Variants in DNAH17 observed in about 807,000 individuals in gnomAD.
DNAH17 encodes dynein axonemal heavy chain 17, also known as axonemal beta dynein heavy chain 17.
A neutral mutation model predicts 485.6 loss-of-function variants in DNAH17; 376 were observed. The ratio of observed to expected loss-of-function variants is 0.77; its 90% CI spans 0.71 to 0.84. The LOEUF is 0.84. Ranked by LOEUF, DNAH17 falls within the 40% of genes least tolerant of loss-of-function variation. The pLI, the probability that DNAH17 is intolerant of heterozygous loss-of-function variation, is 0.00. For missense variants in DNAH17, 6,370 were observed against 5,839.3 expected (o/e 1.09, Z -2.96); for synonymous variants, 3,031 against 2,405.9 (o/e 1.26, Z -7.60).
intron 19 of DNAH17, among the ~76,000 whole-genome samples, chr17:78,533,687 C>A (rs1358949096): frequency 6.6e-6 from 1 of 152,190 alleles, no homozygotes; most frequent in Non-Finnish European, 1.5e-5. Context: ...GAAATTTTGA[C>A]ATCTTATTTC....
chr17:78,480,664 T>C lies in DNAH17; in HGVS notation c.7752+20A>G, dbSNP rs1288823437. 1.9e-6 allele frequency: 3 copies of C among 1,596,722 alleles called. No individual in the cohort carries two copies. Among genetic ancestry groups the C allele is most frequent in the Non-Finnish European group, 2.6e-6 (3 of 1,166,628 alleles). The stretch of plus-strand genomic sequence containing the variant: ...TCAGACTCATGGCAGGTGACGGGGA[T>C]GAGTATGGTTTCTGCTTACCTGAAG... On this transcript the variant is annotated intron_variant, in intron 49 of 80. Transcript: ENST00000389840.
chr17:78,434,362 C>T (rs769734079), intron 74 of DNAH17, 142 bp from the exon 75 acceptor site: 159 of 713,386 alleles, frequency 2.2e-4, no homozygotes, highest in African/African-American at 5.2e-4. Flanking sequence ...GTGGGCTGTG[C>T]AGGTCTCTAT....
At chr17:78,575,274 C>T (rs1479051643) in intron 1 of DNAH17, among the ~76,000 whole-genome samples, 192 bp from the exon 2 acceptor site, 1 of 152,212 alleles carries the variant, frequency 6.6e-6, no homozygotes, top group Non-Finnish European at 1.5e-5. Flanking sequence ...TGCCCCGGCC[C>T]CGCCATGGGG....
At chr17:78,518,435 C>A (rs1184287642) in intron 25 of DNAH17, among the ~76,000 whole-genome samples, 1 of 152,132 alleles carries the variant, frequency 6.6e-6, no homozygotes, top group Non-Finnish European at 1.5e-5. Flanking sequence ...AAGGGTCAAC[C>A]TATAAGAAGA....
At chr17:78,508,948 T>G (rs2090561466) in intron 27 of DNAH17, among the ~76,000 whole-genome samples, 1 of 148,916 alleles carries the variant, frequency 6.7e-6, no homozygotes, top group African/African-American at 2.5e-5. Flanking sequence ...ACTACAGGTG[T>G]GTGTCATCAT....
At chr17:78,574,656 C>T (rs1042320016) in intron 2 of DNAH17, 57 bp downstream of exon 2, 50 of 1,470,484 alleles carry the variant, frequency 3.4e-5, no homozygotes, top group East Asian at 6.8e-5. Context: ...GACTCAAGGC[C>T]GCTCCCGAGA....
chr17:78,527,537 A>G (rs2091112080), intron 22 of DNAH17, among the ~76,000 whole-genome samples: 1 of 151,818 alleles, frequency 6.6e-6, no homozygotes, highest in African/African-American at 2.4e-5. Context: ...GTGGTCTCCC[A>G]TGCAATTTTA....
At chr17:78,431,104 C>T (rs917298509) in intron 75 of DNAH17, among the ~76,000 whole-genome samples, 4 of 152,160 alleles carry the variant, frequency 2.6e-5, no homozygotes, top group Non-Finnish European at 2.9e-5. Context: ...GTCTTGAACT[C>T]CTGGGCTCAA....
intron 48 of DNAH17, among the ~76,000 whole-genome samples, chr17:78,483,162 C>T (rs1034305801): frequency 6.6e-6 from 1 of 152,210 alleles, no homozygotes; most frequent in Non-Finnish European, 1.5e-5. Context: ...AAACTCTCTC[C>T]AGGCTCCCTC....
Position 78,476,554 on chromosome 17 carries a change from C to A in DNAH17, c.8154+18G>T, listed in dbSNP as rs940549077. The A allele has an allele frequency of 1.2e-6, 2 of 1,602,134 alleles. No homozygotes were observed. The highest frequency in any genetic ancestry group is 1.3e-5 in the African/African-American group (1 of 74,758). On this transcript the variant is annotated intron_variant, in intron 52 of 80. Transcript: ENST00000389840. ...AGCCATTCTGGGCTCGGCAGAGGGACTGGGCAGCTTGACTTACATCAAAGA... is the reference window on the plus strand; with the variant it reads ...AGCCATTCTGGGCTCGGCAGAGGGAATGGGCAGCTTGACTTACATCAAAGA...
In DNAH17 at chr17:78,432,984, C is replaced by T. The variant is rs2146432389; in HGVS notation, c.12225+1045G>A. Among the ~76,000 whole-genome samples, 3 of 151,712 alleles carry T rather than the reference C, an allele frequency of 2.0e-5. No homozygotes were observed. In the Middle Eastern group the frequency reaches 0.01, roughly 516 times the overall value. ...CTGGGAGTCCTCCAACCCCGAGGCC[C>T]CACGTAGGCAGCAGCCCTCCTGGGC... On this transcript the variant is annotated intron_variant, in intron 75 of 80. Transcript: ENST00000389840.
chr17:78,574,060 C>T (rs2092399313), intron 2 of DNAH17, among the ~76,000 whole-genome samples: 1 of 152,124 alleles, frequency 6.6e-6, no homozygotes, highest in African/African-American at 2.4e-5. Flanking sequence ...GTACTCAGTC[C>T]CCACCTTCCC....
chr17:78,538,606 G>A (rs181915323), intron 18 of DNAH17, among the ~76,000 whole-genome samples: 11 of 152,280 alleles, frequency 7.2e-5, no homozygotes, highest in South Asian at 6.2e-4. Flanking sequence ...GACTCAGGTC[G>A]GCTCCTGCCC....
intron 71 of DNAH17, among the ~76,000 whole-genome samples, chr17:78,442,909 C>A (rs1475913264): frequency 6.6e-6 from 1 of 152,204 alleles, no homozygotes; most frequent in Non-Finnish European, 1.5e-5. Context: ...CACCCTTGGC[C>A]AGTGCTGGCT....
chr17:78,503,755 C>G (rs1019622789), intron 31 of DNAH17, among the ~76,000 whole-genome samples: 1 of 151,922 alleles, frequency 6.6e-6, no homozygotes, highest in African/African-American at 2.4e-5. Context: ...CACCTGAGGT[C>G]AGGAGTTCAA....
chr17:78,510,656 C>T (rs371842324), intron 26 of DNAH17, 150 bp from the exon 27 acceptor site: 3 of 1,023,654 alleles, frequency 2.9e-6, no homozygotes, highest in South Asian at 1.5e-5. Context: ...CCATTTTCAG[C>T]TCTGAGACTT....
intron 14 of DNAH17, among the ~76,000 whole-genome samples, chr17:78,554,473 G>GAAATT (rs1568246690): frequency 1.6e-5 from 2 of 124,752 alleles, no homozygotes; most frequent in African/African-American, 5.9e-5. Flanking sequence ...AAAAAAAAAG[G>GAAATT]ATAGGTTCTA....
At chr17:78,545,786 TTAA>T (rs2091744501) in intron 16 of DNAH17, among the ~76,000 whole-genome samples, 1 of 152,184 alleles carries the variant, frequency 6.6e-6, no homozygotes, top group Non-Finnish European at 1.5e-5. Context: ...TATAGCTATA[TTAA>T]CAATATTCTC....
Position 78,509,899 on chromosome 17 carries a change from T to C in DNAH17, c.4236+485A>G, listed in dbSNP as rs1279100855. Among the ~76,000 whole-genome samples, 9 of 152,246 alleles carry C rather than the reference T, an allele frequency of 5.9e-5. 1 individual carries two copies. The highest frequency in any genetic ancestry group is 4.1e-4 in the South Asian group (2 of 4,826). ...GGTTTTCTAAGAAAAATTCCAGAAG[T>C]AGGCTGGCGCAGTGGCTCACGCCTG... On this transcript the variant is annotated intron_variant, in intron 27 of 80. Transcript: ENST00000389840.
Sources: allele counts gnomAD v4.1 joint callset (sites outside exome capture counted in the v4.1 genomes callset), GRCh38; gene constraint gnomAD v4.1.1; transcripts MANE v1.5; gene names NCBI Gene and HGNC (gene_info 2026-07-23, HGNC 2026-07-21).